The following AUTS2 variants were observed in gnomAD, a reference collection of about 807,000 sequenced individuals.
AUTS2 encodes the protein activator of transcription and developmental regulator AUTS2.
A neutral mutation model predicts 112.4 loss-of-function variants in AUTS2; 17 were observed. The ratio of observed to expected loss-of-function variants is 0.15; its 90% CI spans 0.10 to 0.23. The LOEUF is 0.23. AUTS2 is among the 10% of genes least tolerant of loss of function. The pLI, the probability that AUTS2 is intolerant of heterozygous loss-of-function variation, is 1.00. For missense variants in AUTS2, 1,510 were observed against 1,701.6 expected, an observed-to-expected ratio of 0.89 and a Z score of 1.98; for synonymous variants, 751 against 702.7, an observed-to-expected ratio of 1.07 and a Z score of -1.09.
chr7:70,486,146 C>T (rs1018543122), intron 5 of AUTS2, among the ~76,000 whole-genome samples: 4 of 152,098 alleles, frequency 2.6e-5, no homozygotes, highest in African/African-American at 9.7e-5. Flanking sequence ...GTAATCCTTA[C>T]CAAAAGTATG....
intron 5 of AUTS2, among the ~76,000 whole-genome samples, chr7:70,677,496 A>G (rs1807976128): frequency 6.6e-6 from 1 of 152,112 alleles, no homozygotes; most frequent in Non-Finnish European, 1.5e-5. Flanking sequence ...TCACTGCCAC[A>G]CACTCGTGCG....
chr7:69,658,719 T>G (rs1795658035), intron 1 of AUTS2, among the ~76,000 whole-genome samples: 2 of 152,250 alleles, frequency 1.3e-5, no homozygotes, highest in Non-Finnish European at 2.9e-5. Flanking sequence ...AGCAAACTAC[T>G]GTCTGATACT....
Position 70,370,217 on chromosome 7 carries a change from T to A in AUTS2, c.661-65535T>A, listed in dbSNP as rs796548026. Among the ~76,000 whole-genome samples, 37 of 152,292 alleles carry A rather than the reference T, an allele frequency of 2.4e-4. 1 individual carries two copies. The highest frequency in any genetic ancestry group is 8.9e-4 in the African/African-American group (37 of 41,560). On this transcript the variant is annotated intron_variant, in intron 4 of 18. Coordinates refer to ENST00000342771, the MANE Select transcript of AUTS2 (RefSeq NM_015570.4). ...CCCACTTAAGGTATACACTTCCATG[T>A]TTTTTAATAAATGCACAGAGTTGTG...
At chr7:70,165,543 C>G (rs1384381631) in intron 4 of AUTS2, among the ~76,000 whole-genome samples, 1 of 152,134 alleles carries the variant, frequency 6.6e-6, no homozygotes. Flanking sequence ...ACCTAGAATT[C>G]TGTATCCAGG....
chr7:69,631,060 A>G (rs1260656760), intron 1 of AUTS2, among the ~76,000 whole-genome samples: 1 of 152,226 alleles, frequency 6.6e-6, no homozygotes, highest in Non-Finnish European at 1.5e-5. Flanking sequence ...GAGGTAGAAC[A>G]CAATGCCTGC....
chr7:70,657,827 T>C (rs1179398988), intron 5 of AUTS2, among the ~76,000 whole-genome samples: 1 of 152,162 alleles, frequency 6.6e-6, no homozygotes, highest in East Asian at 1.9e-4. Context: ...TAACCTCATG[T>C]TTCTGGGGAC....
At chr7:70,564,667 T>G (rs1450726016) in intron 5 of AUTS2, among the ~76,000 whole-genome samples, 1 of 152,204 alleles carries the variant, frequency 6.6e-6, no homozygotes, top group Non-Finnish European at 1.5e-5. Context: ...TCACAGCTTG[T>G]TAGTTTCTGG....
At chr7:70,563,194 G>A (rs1196559483) in intron 5 of AUTS2, among the ~76,000 whole-genome samples, 2 of 152,196 alleles carry the variant, frequency 1.3e-5, no homozygotes, top group Admixed American at 6.5e-5. Context: ...TATCATTGAA[G>A]ATTGGACTTA....
rs1450183188 is a variant in AUTS2 at position 70,516,582 on chromosome 7, G to A, written c.690+80801G>A. ...CTTGGGTTCTTCGTCTCATTGTCCT[G>A]AGCTTTTTCACTTTCCTGTAGATCA... is the stretch of plus-strand genomic sequence containing the variant. On this transcript the variant is annotated intron_variant, in intron 5 of 18. Coordinates refer to ENST00000342771, the MANE Select transcript of AUTS2 (RefSeq NM_015570.4). 2.0e-5 allele frequency among the ~76,000 whole-genome samples: 3 copies of A among 152,232 alleles called. No homozygotes were observed. In the East Asian group the frequency reaches 5.8e-4, roughly 29 times the overall value.
At chr7:70,774,461 A>G (rs1447761813) in intron 12 of AUTS2, 1 of 216,468 alleles carries the variant, frequency 4.6e-6, no homozygotes, top group African/African-American at 2.3e-5. Context: ...TTTGAATGGA[A>G]AAGCACTAAG....
chr7:70,654,998 T>A (rs1202924769), intron 5 of AUTS2, among the ~76,000 whole-genome samples: 1 of 152,244 alleles, frequency 6.6e-6, no homozygotes, highest in East Asian at 1.9e-4. Context: ...GCACTGCAAG[T>A]TGACTTGAAA....
At chr7:70,009,624 T>C (rs966410431) in intron 2 of AUTS2, among the ~76,000 whole-genome samples, 1 of 152,190 alleles carries the variant, frequency 6.6e-6, no homozygotes, top group Admixed American at 6.5e-5. Flanking sequence ...ACAAAGATCT[T>C]CTATAATAAA....
chr7:70,734,802 C>T (rs945602011), intron 6 of AUTS2, among the ~76,000 whole-genome samples: 1 of 151,998 alleles, frequency 6.6e-6, no homozygotes, highest in African/African-American at 2.4e-5. Flanking sequence ...ATTATCCCTG[C>T]CTTTTTTAAA....
chr7:70,363,110 T>C (rs1792351005), intron 4 of AUTS2, among the ~76,000 whole-genome samples: 1 of 152,338 alleles, frequency 6.6e-6, no homozygotes, highest in Non-Finnish European at 1.5e-5. Flanking sequence ...TTCCTCCTGA[T>C]ATTTGTAAGT....
chr7:69,733,289 C>A (rs928861573), intron 1 of AUTS2, among the ~76,000 whole-genome samples: 1 of 152,154 alleles, frequency 6.6e-6, no homozygotes. Flanking sequence ...AGAGAGGGAA[C>A]TGTTTTTAAA....
intron 4 of AUTS2, among the ~76,000 whole-genome samples, chr7:70,139,982 C>A: frequency 6.6e-6 from 1 of 152,252 alleles, no homozygotes; most frequent in Non-Finnish European, 1.5e-5. Context: ...GCCTGGGTGA[C>A]AAGAGCGAGA....
chr7:70,104,035 A>G (rs1804637155), intron 2 of AUTS2, among the ~76,000 whole-genome samples: 1 of 152,036 alleles, frequency 6.6e-6, no homozygotes, highest in Non-Finnish European at 1.5e-5. Context: ...AAGCTACTAG[A>G]TCAGAGAATG....
chr7:70,686,634 G>A (rs1174851644), intron 5 of AUTS2, among the ~76,000 whole-genome samples: 4 of 151,848 alleles, frequency 2.6e-5, no homozygotes, highest in Non-Finnish European at 5.9e-5. Flanking sequence ...GGGTTCAAGC[G>A]ATTCTCCTGC....
chr7:69,970,987 AC>A (rs1797825049), intron 2 of AUTS2, among the ~76,000 whole-genome samples: 1 of 152,154 alleles, frequency 6.6e-6, no homozygotes. Context: ...AACCTGAGCA[AC>A]ATAGCAAGAC....
Sources: allele counts gnomAD v4.1 joint callset (sites outside exome capture counted in the v4.1 genomes callset), GRCh38; gene constraint gnomAD v4.1.1; transcripts MANE v1.5; gene names NCBI Gene and HGNC (gene_info 2026-07-23, HGNC 2026-07-21).